PHACTR1: variants seen among roughly 807,000 people sequenced by gnomAD.
PHACTR1 encodes RPEL repeat containing 1.
A neutral mutation model predicts 69.2 loss-of-function variants in PHACTR1; 16 were observed. The observed-to-expected ratio is 0.23, with a 90% CI of 0.16 to 0.35. The LOEUF (loss-of-function observed/expected upper bound fraction) is 0.35, where lower values mean the gene tolerates loss of function less well. PHACTR1 is among the 10% of genes least tolerant of loss of function. PHACTR1 has a pLI of 1.00. For synonymous variants in PHACTR1, 312 were observed against 284.5 expected, an observed-to-expected ratio of 1.10 and a Z score of -0.97; for missense variants, 510 against 734.7, an observed-to-expected ratio of 0.69 and a Z score of 3.54.
intron 4 of PHACTR1, among the ~76,000 whole-genome samples, chr6:12,755,029 A>AAGC (rs1376773250): frequency 6.6e-6 from 1 of 152,206 alleles, no homozygotes; most frequent in Non-Finnish European, 1.5e-5. Flanking sequence ...AGTAAATGGG[A>AAGC]AGCACTTTCC....
At chr6:12,961,557 A>T (rs753668710) in intron 4 of PHACTR1, among the ~76,000 whole-genome samples, 1 of 152,240 alleles carries the variant, frequency 6.6e-6, no homozygotes, top group Non-Finnish European at 1.5e-5. Context: ...AAGAACCTAA[A>T]GTACAAACTT....
At chr6:12,980,664 A>C (rs1795413613) in intron 4 of PHACTR1, among the ~76,000 whole-genome samples, 3 of 152,120 alleles carry the variant, frequency 2.0e-5, no homozygotes, top group South Asian at 4.2e-4. Flanking sequence ...CAGTTTAAAA[A>C]AAAAAGTCTA....
intron 4 of PHACTR1, among the ~76,000 whole-genome samples, chr6:12,887,752 A>T (rs1229329966): frequency 6.6e-6 from 1 of 152,030 alleles, no homozygotes. Flanking sequence ...CCCCAAAGTT[A>T]TGGGTTGAAA....
At chr6:12,778,126 C>T (rs1203772280) in intron 4 of PHACTR1, among the ~76,000 whole-genome samples, 1 of 152,178 alleles carries the variant, frequency 6.6e-6, no homozygotes, top group Non-Finnish European at 1.5e-5. Context: ...TATTGTGTCT[C>T]TGGCATTGAC....
intron 10 of PHACTR1, among the ~76,000 whole-genome samples, chr6:13,252,372 T>G (rs1774589450): frequency 6.7e-6 from 1 of 149,420 alleles, no homozygotes; most frequent in Admixed American, 6.6e-5. Flanking sequence ...AAGAAAAAAG[T>G]CTAAAAAAGA....
chr6:12,732,401 G>A (rs527832354), intron 3 of PHACTR1, among the ~76,000 whole-genome samples: 1 of 151,930 alleles, frequency 6.6e-6, no homozygotes, highest in African/African-American at 2.4e-5. Flanking sequence ...AGAACGTGCA[G>A]GTTTGTTACA....
chr6:13,156,876 G>A (rs541295999), intron 5 of PHACTR1, among the ~76,000 whole-genome samples: 3 of 152,124 alleles, frequency 2.0e-5, no homozygotes, highest in South Asian at 4.2e-4. Context: ...ACCTTCACAC[G>A]TCTTGGGTGC....
chr6:13,206,748 G>A (rs759040258), intron 8 of PHACTR1, among the ~76,000 whole-genome samples: 4 of 152,080 alleles, frequency 2.6e-5, no homozygotes, highest in African/African-American at 7.2e-5. Context: ...CCCTCACAGG[G>A]CACACTTACA....
chr6:13,063,676 A>T (rs1456415101), intron 5 of PHACTR1, among the ~76,000 whole-genome samples: 1 of 151,600 alleles, frequency 6.6e-6, no homozygotes, highest in African/African-American at 2.4e-5. Context: ...GCTGCTGGGG[A>T]GGCTAAGGTG....
chr6:12,904,534 C>CAA (rs544410317), intron 4 of PHACTR1, among the ~76,000 whole-genome samples: 13 of 80,058 alleles, frequency 1.6e-4, no homozygotes, highest in East Asian at 7.8e-4. Context: ...AACTCCATCT[C>CAA]AAAAAAAAAA....
chr6:12,894,571 C>T (rs1036255578), intron 4 of PHACTR1, among the ~76,000 whole-genome samples: 2 of 152,216 alleles, frequency 1.3e-5, no homozygotes, highest in Non-Finnish European at 2.9e-5. Context: ...CGCCACTGCA[C>T]TCCAGCCTGG....
At position 12,780,020 on chromosome 6, in the gene PHACTR1, G is replaced by GA. The variant is rs570506748; in HGVS notation, c.250+30231dup. Among the ~76,000 whole-genome samples the GA allele has an allele frequency of 3.3e-3, 508 of 152,282 alleles. 3 individuals carry two copies. The highest frequency in any genetic ancestry group is 0.012 in the African/African-American group (490 of 41,554). Reference sequence around the variant, plus strand: ...TGTGTGCCCACCCTACTCTAGCCTAGAGAAAAGGAAAGAGAAGAGAAATGT... The same window carrying GA: ...TGTGTGCCCACCCTACTCTAGCCTAGAAGAAAAGGAAAGAGAAGAGAAATGT... On this transcript the variant is annotated intron_variant, in intron 4 of 14. Coordinates refer to ENST00000332995, the MANE Select transcript of PHACTR1 (RefSeq NM_030948.6).
Position 13,159,050 on chromosome 6 carries a change from G to T in PHACTR1, c.416-1154G>T, listed in dbSNP as rs148416318. On this transcript the variant is annotated intron_variant, in intron 5 of 14. Coordinates refer to ENST00000332995, the MANE Select transcript of PHACTR1 (RefSeq NM_030948.6). The stretch of plus-strand genomic sequence containing the variant: ...CCACGTTCGCCTGTGTCCCTCCTTT[G>T]AGCCACAGGCCTGCCTCTTGGGCAG... Among the ~76,000 whole-genome samples, 179 of 152,210 alleles carry T rather than the reference G, an allele frequency of 1.2e-3. 1 individual carries two copies. Among genetic ancestry groups the T allele is most frequent in the African/African-American group, 4.3e-3 (179 of 41,524 alleles).
chr6:13,066,794 G>A (rs1212430325), intron 5 of PHACTR1, among the ~76,000 whole-genome samples: 1 of 152,120 alleles, frequency 6.6e-6, no homozygotes, highest in African/African-American at 2.4e-5. Flanking sequence ...TTTCCATGGG[G>A]TTTCTTCCTA....
intron 4 of PHACTR1, among the ~76,000 whole-genome samples, chr6:13,026,720 T>C (rs1445778919): frequency 6.6e-6 from 1 of 152,076 alleles, no homozygotes; most frequent in African/African-American, 2.4e-5. Context: ...GAGGGAGCCC[T>C]AGAGCTAGAG....
intron 4 of PHACTR1, among the ~76,000 whole-genome samples, chr6:12,872,630 G>A (rs923152123): frequency 1.3e-5 from 2 of 152,126 alleles, no homozygotes; most frequent in African/African-American, 4.8e-5. Flanking sequence ...CCTATTATAC[G>A]TTAATCAATT....
intron 3 of PHACTR1, among the ~76,000 whole-genome samples, chr6:12,726,688 C>T (rs1473527400): frequency 2.0e-5 from 3 of 152,312 alleles, no homozygotes; most frequent in Non-Finnish European, 4.4e-5. Flanking sequence ...CATGACCTTA[C>T]ATATGGCTCA....
intron 10 of PHACTR1, among the ~76,000 whole-genome samples, chr6:13,264,583 G>T (rs1776352059): frequency 6.6e-6 from 1 of 152,194 alleles, no homozygotes; most frequent in Admixed American, 6.5e-5. Flanking sequence ...AGCTGGTGTG[G>T]TGGCATGTGC....
At chr6:12,853,787 G>T (rs1780061076) in intron 4 of PHACTR1, among the ~76,000 whole-genome samples, 3 of 152,166 alleles carry the variant, frequency 2.0e-5, no homozygotes, top group Admixed American at 1.3e-4. Flanking sequence ...CCCTGATTCA[G>T]TTATCTCTAC....
Sources: gnomAD v4.1 joint callset for allele counts (sites outside exome capture counted in the v4.1 genomes callset) on GRCh38, gnomAD v4.1.1 for gene constraint, MANE v1.5 for transcripts, NCBI Gene and HGNC (gene_info 2026-07-23, HGNC 2026-07-21) for gene names.